Variants in UCMA observed in about 807,000 individuals in gnomAD.
UCMA encodes upper zone of growth plate and cartilage matrix associated.
A neutral mutation model predicts 21.8 loss-of-function variants in UCMA; 21 were observed. The ratio of observed to expected loss-of-function variants is 0.97; its 90% CI spans 0.68 to 1.39. The LOEUF is 1.39. Among genes scored for constraint, UCMA ranks in the 40% most tolerant of loss-of-function variants. The pLI, the probability that UCMA is intolerant of heterozygous loss-of-function variation, is 0.00. For synonymous variants in UCMA, 76 were observed against 67.9 expected, an observed-to-expected ratio of 1.12 and a Z score of -0.58; for missense variants, 193 against 178.9, an observed-to-expected ratio of 1.08 and a Z score of -0.45.
intron 4 of UCMA, among the ~76,000 whole-genome samples, chr10:13,229,102 A>C (rs1834862482): frequency 6.6e-6 from 1 of 151,844 alleles, no homozygotes; most frequent in African/African-American, 2.4e-5. Flanking sequence ...CACCCAGCTA[A>C]TTTTTGTATT....
chr10:13,221,805 T>G lies in UCMA; in HGVS notation c.*298A>C. On this transcript the variant is annotated 3_prime_UTR_variant, in exon 5 of 5. Coordinates refer to ENST00000378681, the MANE Select transcript of UCMA (RefSeq NM_145314.3). ...TTTATTTGTAAGCCATAAGCAAACA[T>G]GTGATTCTTGACTGATTCTTTTGCT... The G allele has an allele frequency of 2.7e-6, 1 of 369,162 alleles. No homozygotes were observed. The highest frequency in any genetic ancestry group is 2.1e-5 in the African/African-American group (1 of 48,196). The allele number at this position is 369,162 out of a possible 1,614,324, so 22.9% of individuals were successfully genotyped here.
intron 3 of UCMA, among the ~76,000 whole-genome samples, chr10:13,230,581 A>G (rs1245345781): frequency 6.6e-6 from 1 of 152,114 alleles, no homozygotes; most frequent in Non-Finnish European, 1.5e-5. Context: ...GATTCCCCTC[A>G]CACCAAATGG....
At chr10:13,232,594 T>C (rs1487858511) in intron 3 of UCMA, among the ~76,000 whole-genome samples, 1 of 150,968 alleles carries the variant, frequency 6.6e-6, no homozygotes, top group Non-Finnish European at 1.5e-5. Context: ...ACTTATTCAA[T>C]TTTTTTTAAA....
chr10:13,222,014 A>G lies in UCMA; in HGVS notation c.*89T>C. The G allele has an allele frequency of 7.0e-7, 1 of 1,420,958 alleles. No homozygotes were observed. The highest frequency in any genetic ancestry group is 9.9e-7 in the Non-Finnish European group (1 of 1,013,992). 88.0% of individuals were successfully genotyped at this position (1,420,958 alleles called of 1,614,324 possible). ...CAGACCCCAAGCTGAGACCCTCTGA[A>G]GGGCCGGTTTGCATGGGAAAGATTG... is the stretch of plus-strand genomic sequence containing the variant. On this transcript the variant is annotated 3_prime_UTR_variant, in exon 5 of 5. Transcript: ENST00000378681.
chr10:13,222,333 G>A, intron 4 of UCMA, 133 bp from the exon 5 acceptor site: 1 of 751,060 alleles, frequency 1.3e-6, no homozygotes, highest in Non-Finnish European at 2.2e-6. Flanking sequence ...GGTGAGAGAA[G>A]GCCAGGACTG....
At position 13,229,615 on chromosome 10, in the gene UCMA, G is replaced by A. The variant is rs974727103; in HGVS notation, c.315C>T (p.Asn105=). 1 of 1,613,436 alleles carries A rather than the reference G, an allele frequency of 6.2e-7. No individual in the cohort carries two copies. Among genetic ancestry groups the A allele is most frequent in the African/African-American group, 1.3e-5 (1 of 74,948 alleles). ...NEFENFVEEQ[N]DEQEERSREA... ...CACTGGCTGAAGAGCTCTTACCATC[G>A]TTTTGTTCCTCCACGAAGTTCTCAA... The change falls in exon 4 of 5, where the codon AAC becomes AAT. Residue 105 remains asparagine, a synonymous_variant. Transcript: ENST00000378681.
At chr10:13,223,124 G>T (rs1372238918) in intron 4 of UCMA, among the ~76,000 whole-genome samples, 2 of 151,722 alleles carry the variant, frequency 1.3e-5, no homozygotes, top group Non-Finnish European at 2.9e-5. Flanking sequence ...TACTCAGGAG[G>T]CTGAAGTATG....
intron 4 of UCMA, 39 bp downstream of exon 4, chr10:13,229,572 G>T (rs200425647): frequency 6.4e-6 from 10 of 1,557,220 alleles, no homozygotes; most frequent in Non-Finnish European, 6.2e-6. Context: ...TCTCCCCAAC[G>T]CTCCACCTCC....
chr10:13,229,458 A>T (rs988968691), intron 4 of UCMA, among the ~76,000 whole-genome samples, 153 bp downstream of exon 4: 1 of 151,820 alleles, frequency 6.6e-6, no homozygotes, highest in Admixed American at 6.6e-5. Flanking sequence ...GTGAGCCAAG[A>T]TCACACCACT....
At chr10:13,228,151 C>T (rs1044708766) in intron 4 of UCMA, among the ~76,000 whole-genome samples, 12 of 152,016 alleles carry the variant, frequency 7.9e-5, no homozygotes, top group African/African-American at 2.9e-4. Context: ...GCTCCACCTC[C>T]AAGTTTCAAG....
At chr10:13,230,835 T>C (rs1403832199) in intron 3 of UCMA, among the ~76,000 whole-genome samples, 1 of 152,194 alleles carries the variant, frequency 6.6e-6, no homozygotes. Flanking sequence ...GGCGGGCGGA[T>C]CACTTGAGGT....
At chr10:13,229,936 G>A (rs1341297211) in intron 3 of UCMA, among the ~76,000 whole-genome samples, 1 of 152,164 alleles carries the variant, frequency 6.6e-6, no homozygotes, top group Non-Finnish European at 1.5e-5. Context: ...AGAAGATAGA[G>A]GCCCCAGAGA....
intron 3 of UCMA, among the ~76,000 whole-genome samples, chr10:13,232,371 C>CAAAAAA (rs34527224): frequency 1.4e-5 from 1 of 69,592 alleles, no homozygotes; most frequent in Admixed American, 1.8e-4. Flanking sequence ...GACTCCATCT[C>CAAAAAA]AAAAAAAAAA....
In UCMA at chr10:13,233,542, G is replaced by T. The variant is rs762977330; in HGVS notation, c.216C>A (p.Val72=). The T allele has an allele frequency of 6.8e-6, 11 of 1,613,680 alleles. No homozygotes were observed. Among genetic ancestry groups the T allele is most frequent in the Middle Eastern group, 1.6e-4 (1 of 6,080 alleles). The change falls in exon 3 of 5, where the codon GTC becomes GTA. Residue 72 remains valine (V), a synonymous_variant. Coordinates refer to ENST00000378681, the MANE Select transcript of UCMA (RefSeq NM_145314.3). ...GGGTCCCTCCAGCATCCTTACCATTGACCTCATCTCTGGACTTGGGGGACC... is the reference window on the plus strand; with the variant it reads ...GGGTCCCTCCAGCATCCTTACCATTTACCTCATCTCTGGACTTGGGGGACC... ...GKRSPKSRDE[V]NVENRQKLRV... is the part of the protein sequence containing the mutation.
rs1364173319 is a variant in UCMA at position 13,233,724 on chromosome 10, C to T, written c.124+11G>A. The T allele has an allele frequency of 6.2e-7, 1 of 1,614,036 alleles. No homozygotes were observed. The highest frequency in any genetic ancestry group is 2.2e-5 in the East Asian group (1 of 44,858). On this transcript the variant is annotated intron_variant, in intron 2 of 4. Coordinates refer to ENST00000378681, the MANE Select transcript of UCMA (RefSeq NM_145314.3). ...CACCTGCCCTGCCCCGTGGGTGGCCCCTGCACTCACCTTCACTCGCCTCTT... is the reference window on the plus strand; with the variant it reads ...CACCTGCCCTGCCCCGTGGGTGGCCTCTGCACTCACCTTCACTCGCCTCTT...
Position 13,234,197 on chromosome 10 carries a change from T to G in UCMA, c.58+4A>C, listed in dbSNP as rs780195561. On this transcript the variant is annotated splice_donor_region_variant and intron_variant, in intron 1 of 4. Transcript: ENST00000378681. ...ACCCTCCACCTTGACCCTCCTGTACTCACTAGACAGGAGCACCACGGCGGA... is the reference window on the plus strand; with the variant it reads ...ACCCTCCACCTTGACCCTCCTGTACGCACTAGACAGGAGCACCACGGCGGA... 6.2e-7 allele frequency: 1 copy of G among 1,612,640 alleles called. No homozygotes were observed.
At chr10:13,222,271 CAGCCGA>C in intron 4 of UCMA, 71 bp from the exon 5 acceptor site, 1 of 1,434,704 alleles carries the variant, frequency 7.0e-7, no homozygotes. Flanking sequence ...CAGCAGCCAT[CAGCCGA>C]ACCCCTGCCC....
intron 4 of UCMA, among the ~76,000 whole-genome samples, chr10:13,228,254 G>T (rs917328161): frequency 3.3e-5 from 5 of 152,010 alleles, no homozygotes; most frequent in Admixed American, 1.3e-4. Flanking sequence ...TAGAGACAGG[G>T]TTTCGCCACA....
rs183396474 is a variant in UCMA, at chr10:13,233,599, A to C, written c.159T>G (p.Asp53Glu). 2 of 1,614,132 alleles carry C rather than the reference A, an allele frequency of 1.2e-6. No individual in the cohort carries two copies. The highest frequency in any genetic ancestry group is 4.5e-5 in the East Asian group (2 of 44,880). The stretch of plus-strand genomic sequence containing the variant: ...CGCGCCTCTTGAGGAAATTCGAGGC[A>C]TCTGATTCCTGCATGAAAATCTTCT... ...AKQKIFMQES[D>E]ASNFLKRRGK... Residue 53 changes from aspartate to glutamate, a missense_variant, in exon 3 of 5, where the codon GAT (aspartate) becomes GAG (glutamate). Asp to Glu is a conservative substitution (Grantham distance 45). Coordinates refer to ENST00000378681, the MANE Select transcript of UCMA (RefSeq NM_145314.3).
Sources: allele counts gnomAD v4.1 joint callset (sites outside exome capture counted in the v4.1 genomes callset), GRCh38; gene constraint gnomAD v4.1.1; transcripts MANE v1.5; gene names NCBI Gene and HGNC (gene_info 2026-07-23, HGNC 2026-07-21).